Variants in PAPPA2 observed in about 807,000 individuals in gnomAD.
The protein encoded by PAPPA2 is pappalysin-2.
Under a neutral mutation model 176.4 loss-of-function variants are expected in PAPPA2, and 86 were observed. The observed-to-expected ratio is 0.49, with a 90% confidence interval of 0.41 to 0.58. The LOEUF is 0.58. Among genes scored for constraint, PAPPA2 ranks in the 20% least tolerant of loss-of-function variants. The pLI, the probability that PAPPA2 is intolerant of heterozygous loss-of-function variation, is 0.00. For synonymous variants in PAPPA2, 809 were observed against 852.2 expected (o/e 0.95, Z 0.88); for missense variants, 2,073 against 2,256.9 (o/e 0.92, Z 1.65).
At chr1:176,828,619 C>T (rs1010415175) in intron 21 of PAPPA2, among the ~76,000 whole-genome samples, 4 of 152,006 alleles carry the variant, frequency 2.6e-5, no homozygotes, top group African/African-American at 7.2e-5. Context: ...TATATACATA[C>T]GGATATATGT....
chr1:176,671,796 T>C (rs1434571215), intron 4 of PAPPA2, among the ~76,000 whole-genome samples: 4 of 150,980 alleles, frequency 2.6e-5, no homozygotes, highest in African/African-American at 9.7e-5. Flanking sequence ...TCATTCTCAG[T>C]AAACTATCGC....
intron 20 of PAPPA2, among the ~76,000 whole-genome samples, chr1:176,799,216 G>T (rs1363447531): frequency 6.6e-6 from 1 of 152,110 alleles, no homozygotes; most frequent in Non-Finnish European, 1.5e-5. Flanking sequence ...CCTGCCATGG[G>T]ACTTTCTTTT....
chr1:176,764,738 AGGTGCCTGCAACCACATCC>A (rs1465038669), intron 14 of PAPPA2, among the ~76,000 whole-genome samples: 1 of 152,062 alleles, frequency 6.6e-6, no homozygotes, highest in Non-Finnish European at 1.5e-5. Flanking sequence ...CTGGGACTAC[AGGTGCCTGCAACCACATCC>A]GGCTAATTGT....
intron 3 of PAPPA2, among the ~76,000 whole-genome samples, chr1:176,602,942 G>A (rs919272664): frequency 2.6e-5 from 4 of 152,196 alleles, no homozygotes; most frequent in Non-Finnish European, 5.9e-5. Context: ...GTATTATGGA[G>A]CAAATGAAAT....
At chr1:176,814,672 A>G (rs1457133435) in intron 21 of PAPPA2, among the ~76,000 whole-genome samples, 3 of 152,246 alleles carry the variant, frequency 2.0e-5, no homozygotes, top group Non-Finnish European at 4.4e-5. Context: ...TACCAGCTTA[A>G]GAACCTTTTT....
At chr1:176,650,752 T>A (rs1657670884) in intron 3 of PAPPA2, among the ~76,000 whole-genome samples, 1 of 143,114 alleles carries the variant, frequency 7.0e-6, no homozygotes, top group Admixed American at 6.9e-5. Context: ...TCTTGCTTGT[T>A]TTCTGGTTGC....
At chr1:176,521,927 G>T (rs1413221620) in intron 1 of PAPPA2, among the ~76,000 whole-genome samples, 1 of 152,190 alleles carries the variant, frequency 6.6e-6, no homozygotes, top group African/African-American at 2.4e-5. Flanking sequence ...TTTCATGTTA[G>T]TATTGTAATC....
intron 1 of PAPPA2, among the ~76,000 whole-genome samples, chr1:176,474,224 G>T (rs1345913464): frequency 6.6e-6 from 1 of 152,162 alleles, no homozygotes; most frequent in African/African-American, 2.4e-5. Flanking sequence ...CATGTCCAAG[G>T]TAAGTTGGTG....
At chr1:176,682,940 GC>G (rs1301016170) in intron 4 of PAPPA2, among the ~76,000 whole-genome samples, 1 of 151,966 alleles carries the variant, frequency 6.6e-6, no homozygotes, top group Non-Finnish European at 1.5e-5. Context: ...ATAATATTCA[GC>G]CCTAAAAATT....
intron 17 of PAPPA2, among the ~76,000 whole-genome samples, chr1:176,781,826 C>T (rs1404052846): frequency 1.3e-5 from 2 of 152,166 alleles, no homozygotes; most frequent in African/African-American, 4.8e-5. Flanking sequence ...TCTAATATTG[C>T]TGCTCTAGGT....
chr1:176,763,205 A>G (rs1477123446), intron 14 of PAPPA2, among the ~76,000 whole-genome samples: 1 of 152,228 alleles, frequency 6.6e-6, no homozygotes, highest in Admixed American at 6.5e-5. Context: ...AACAGAGCAC[A>G]CTACTGATGA....
chr1:176,772,207 T>C (rs978467131), intron 17 of PAPPA2, among the ~76,000 whole-genome samples: 3 of 152,210 alleles, frequency 2.0e-5, no homozygotes, highest in Admixed American at 6.5e-5. Flanking sequence ...AGAAACTCCT[T>C]GCATTTAGGA....
At chr1:176,609,820 A>G (rs1654810786) in intron 3 of PAPPA2, among the ~76,000 whole-genome samples, 1 of 152,218 alleles carries the variant, frequency 6.6e-6, no homozygotes, top group African/African-American at 2.4e-5. Flanking sequence ...TTCACATGAG[A>G]TAATGCTTGT....
chr1:176,810,603 C>T (rs1368082734), intron 21 of PAPPA2, among the ~76,000 whole-genome samples: 1 of 152,176 alleles, frequency 6.6e-6, no homozygotes, highest in Non-Finnish European at 1.5e-5. Context: ...TCACCTCCTG[C>T]TGTGTGGCCC....
intron 6 of PAPPA2, 60 bp downstream of exon 6, chr1:176,692,378 T>C (rs1038866897): frequency 2.8e-5 from 41 of 1,470,086 alleles, no homozygotes; most frequent in Non-Finnish European, 3.2e-5. Context: ...TTCATATGAA[T>C]GAGGGGAAGA....
At chr1:176,766,212 C>T (rs756438336) in intron 15 of PAPPA2, among the ~76,000 whole-genome samples, 4 of 152,088 alleles carry the variant, frequency 2.6e-5, no homozygotes, top group Admixed American at 1.3e-4. Flanking sequence ...CAATGTCCAC[C>T]CCACAACAAC....
chr1:176,488,091 G>T (rs1203358351), intron 1 of PAPPA2, among the ~76,000 whole-genome samples: 5 of 152,162 alleles, frequency 3.3e-5, no homozygotes, highest in Non-Finnish European at 4.4e-5. Context: ...TGATATTGTT[G>T]TTTCTCTAGC....
In PAPPA2 at chr1:176,649,369, T is replaced by A. The variant is rs979192971; in HGVS notation, c.1992-21601T>A. 4.0e-5 allele frequency among the ~76,000 whole-genome samples: 6 copies of A among 150,970 alleles called. No homozygotes were observed. In the East Asian group the frequency reaches 9.7e-4, roughly 25 times the overall value. On this transcript the variant is annotated intron_variant, in intron 3 of 22. Coordinates refer to ENST00000367662, the MANE Select transcript of PAPPA2 (RefSeq NM_020318.3). ...CTAATAGTTTGCATATTTTATCTTT[T>A]AAAAAAAACTTTTGTTTTTTTTTTG...
chr1:176,496,037 T>C (rs1201366667), intron 1 of PAPPA2, among the ~76,000 whole-genome samples: 1 of 152,186 alleles, frequency 6.6e-6, no homozygotes, highest in Admixed American at 6.5e-5. Context: ...GTTTTATTTA[T>C]AAATTAAATA....
Sources: allele counts gnomAD v4.1 joint callset (sites outside exome capture counted in the v4.1 genomes callset), GRCh38; gene constraint gnomAD v4.1.1; transcripts MANE v1.5; gene names NCBI Gene and HGNC (gene_info 2026-07-23, HGNC 2026-07-21).